The following ZNF600 variants were observed in gnomAD, a reference collection of about 807,000 sequenced individuals.
The protein encoded by ZNF600 is zinc finger protein 600, also known as zinc finger protein KR-ZNF1.
ZNF600 carries 4 observed loss-of-function variants against 7.3 expected under a neutral mutation model. That is an observed-to-expected ratio of 0.55 (90% CI 0.27 to 1.25). The LOEUF is 1.25. Ranked by LOEUF, ZNF600 falls within the 50% of genes most tolerant of loss-of-function variation. The pLI is 0.12. For synonymous variants in ZNF600, 290 were observed against 308.9 expected (o/e 0.94, Z 0.64); for missense variants, 911 against 922.1 (o/e 0.99, Z 0.16).
chr19:52,766,360 C>T lies in ZNF600; in HGVS notation c.1603G>A (p.Gly535Arg), dbSNP rs184713139. The T allele has an allele frequency of 3.5e-5, 56 of 1,614,130 alleles. No individual in the cohort carries two copies. The highest frequency in any genetic ancestry group is 3.3e-4 in the Middle Eastern group (2 of 6,062). The change falls in exon 4 of 4, where the codon GGA (glycine) becomes AGA (arginine). Residue 535 changes from glycine to arginine, a missense_variant. Transcript: ENST00000648973. The stretch of plus-strand genomic sequence containing the variant: ...ACCTTACATTTGTATGGTTTCTCTC[C>T]GGTGTGAATTATCTTATGTGTCTCA...
chr19:52,786,414 G>A (rs1053764676), intron 1 of ZNF600, among the ~76,000 whole-genome samples, 181 bp downstream of exon 1: 1 of 152,190 alleles, frequency 6.6e-6, no homozygotes, highest in Non-Finnish European at 1.5e-5. Context: ...GCCCAGGGCT[G>A]GAATCCACCT....
At chr19:52,771,492 G>A (rs1024887254) in intron 3 of ZNF600, among the ~76,000 whole-genome samples, 7 of 151,142 alleles carry the variant, frequency 4.6e-5, no homozygotes, top group African/African-American at 1.5e-4. Flanking sequence ...TTTTTTTTTG[G>A]AAACAGAGTC....
At chr19:52,785,989 G>C (rs1449935138) in intron 1 of ZNF600, among the ~76,000 whole-genome samples, 5 of 151,958 alleles carry the variant, frequency 3.3e-5, no homozygotes, top group Admixed American at 6.6e-5. Context: ...TTTGCCATCT[G>C]TTATGGGCCT....
At chr19:52,786,902 G>C (rs1424712940), upstream of ZNF600, 1 of 176,200 alleles carries the variant, frequency 5.7e-6, no homozygotes, top group Non-Finnish European at 1.3e-5. Flanking sequence ...GGCGGGACCT[G>C]TGCTTCTCAG....
At chr19:52,809,822 A>AGGCAGCGGCGGCGGCGGCAGCGGC in the ZNF600 span, 6 of 527,232 alleles carry the variant, frequency 1.1e-5, no homozygotes, top group Admixed American at 1.8e-4. Flanking sequence ...TGAGCGGCGA[A>AGGCAGCGGCGGCGGCGGCAGCGGC]GGCGGCGGCG....
chr19:52,800,431 A>G, the ZNF600 span: 2 of 1,613,468 alleles, frequency 1.2e-6, no homozygotes, highest in Non-Finnish European at 1.7e-6. Flanking sequence ...ACTTTGTCAC[A>G]TTCTTCACAT....
the ZNF600 span, among the ~76,000 whole-genome samples, chr19:52,818,525 C>T: frequency 6.7e-6 from 1 of 148,742 alleles, no homozygotes; most frequent in East Asian, 2.0e-4. Context: ...GCAGCCTGGC[C>T]AACATGGTGA....
upstream of ZNF600, among the ~76,000 whole-genome samples, chr19:52,789,979 A>G (rs1211075184): frequency 6.6e-6 from 1 of 152,098 alleles, no homozygotes; most frequent in Non-Finnish European, 1.5e-5. Context: ...GGGGGTCACA[A>G]GGTGCTCAGT....
chr19:52,817,814 G>A, the ZNF600 span: 13 of 1,551,546 alleles, frequency 8.4e-6, no homozygotes, highest in African/African-American at 4.1e-5. Context: ...ATGAACTGAA[G>A]GAAGGCATGG....
chr19:52,803,021 A>C, the ZNF600 span, among the ~76,000 whole-genome samples: 1 of 151,868 alleles, frequency 6.6e-6, no homozygotes, highest in East Asian at 1.9e-4. Flanking sequence ...TCAGCCTCCC[A>C]AAGTGCTGGG....
chr19:52,774,783 A>G, intron 2 of ZNF600, 82 bp from the exon 5 acceptor site: 1 of 985,352 alleles, frequency 1.0e-6, no homozygotes, highest in Non-Finnish European at 1.2e-6. Flanking sequence ...AGAGAAAATA[A>G]GTATTTGATC....
exon 4 of ZNF600, chr19:52,767,447 G>C (rs199705418): frequency 3.7e-5 from 59 of 1,614,022 alleles, no homozygotes; most frequent in Non-Finnish European, 4.1e-5. Context: ...TTTTACCTTT[G>C]ATCTGAATTA....
At chr19:52,786,709 T>C (rs1482968637) in exon 1 of ZNF600, 3 of 343,044 alleles carry the variant, frequency 8.7e-6, no homozygotes, top group Non-Finnish European at 1.9e-5. Context: ...GCAGACTTAA[T>C]CCAAGGCAGA....
the ZNF600 span, among the ~76,000 whole-genome samples, chr19:52,811,931 G>T: frequency 9.7e-5 from 9 of 92,606 alleles, no homozygotes; most frequent in Non-Finnish European, 1.8e-4. Context: ...TATCCAGGAG[G>T]TGAGGGGCGC....
At chr19:52,768,012 C>T (rs1568626161) in intron 3 of ZNF600, among the ~76,000 whole-genome samples, 6 of 151,994 alleles carry the variant, frequency 3.9e-5, no homozygotes, top group South Asian at 4.1e-4. Flanking sequence ...AGGGCACAAA[C>T]GTGTAAGCCT....
intron 1 of ZNF600, among the ~76,000 whole-genome samples, 116 bp downstream of exon 3, chr19:52,780,465 G>A (rs985986838): frequency 2.6e-5 from 4 of 152,170 alleles, no homozygotes; most frequent in Admixed American, 1.3e-4. Flanking sequence ...AGAGGAAAGC[G>A]ACCAGTGGGG....
chr19:52,817,795 C>A, the ZNF600 span: 9 of 1,529,922 alleles, frequency 5.9e-6, no homozygotes, highest in South Asian at 1.1e-5. Flanking sequence ...GGAATCTAAG[C>A]GAGATGAGAT....
At chr19:52,774,139 C>A (rs1189449585) in intron 3 of ZNF600, among the ~76,000 whole-genome samples, 1 of 151,994 alleles carries the variant, frequency 6.6e-6, no homozygotes, top group Non-Finnish European at 1.5e-5. Context: ...TAAAAACAAA[C>A]TTGGATGGGT....
the ZNF600 span, among the ~76,000 whole-genome samples, chr19:52,815,404 C>T: frequency 6.9e-6 from 1 of 145,452 alleles, no homozygotes; most frequent in Admixed American, 7.0e-5. Context: ...GTAGTCCCAG[C>T]TACTCGAGAG....
Sources: gnomAD v4.1 joint callset for allele counts (sites outside exome capture counted in the v4.1 genomes callset) on GRCh38, gnomAD v4.1.1 for gene constraint, MANE v1.5 for transcripts, NCBI Gene and HGNC (gene_info 2026-07-23, HGNC 2026-07-21) for gene names.